PPP6C: variants seen among roughly 807,000 people sequenced by gnomAD.
PPP6C encodes protein phosphatase 6 catalytic subunit.
PPP6C carries 11 observed loss-of-function variants against 39.8 expected under a neutral mutation model. The observed-to-expected ratio is 0.28, with a 90% CI of 0.17 to 0.46. The LOEUF (loss-of-function observed/expected upper bound fraction) is 0.46. PPP6C is among the 20% of genes least tolerant of loss of function. The probability of loss-of-function intolerance (pLI) is 1.00; values close to 1 mark genes in which losing one functional copy is unlikely to be tolerated. For synonymous variants in PPP6C, 129 were observed against 130.3 expected, an observed-to-expected ratio of 0.99 and a Z score of 0.07; for missense variants, 211 against 373.9, an observed-to-expected ratio of 0.56 and a Z score of 3.59.
At position 125,153,665 on chromosome 9, in the gene PPP6C, G is replaced by A. The variant is rs778580383; in HGVS notation, c.537C>T (p.Ile179=). ...DIKTLDQIRT[I]ERNQEIPHKG... ...TATGAGGAATTTCCTGATTCCGTTCGATGGTTCGAATTTGATCCAGTGTTT... is the reference window on the plus strand; with the variant it reads ...TATGAGGAATTTCCTGATTCCGTTCAATGGTTCGAATTTGATCCAGTGTTT... Residue 179 remains isoleucine (I), a synonymous_variant, in exon 6 of 7, where the codon ATC becomes ATT. Transcript: ENST00000373547. 8.1e-6 allele frequency: 13 copies of A among 1,613,982 alleles called. No homozygotes were observed. Among genetic ancestry groups the A allele is most frequent in the Admixed American group, 1.7e-5 (1 of 59,990 alleles).
intron 4 of PPP6C, among the ~76,000 whole-genome samples, chr9:125,157,267 C>A (rs1836103120): frequency 6.6e-6 from 1 of 151,990 alleles, no homozygotes; most frequent in African/African-American, 2.4e-5. Context: ...AGGGGTGAGC[C>A]ACTGCGCCTG....
At chr9:125,152,559 G>A (rs147152123) in intron 6 of PPP6C, among the ~76,000 whole-genome samples, 6 of 152,224 alleles carry the variant, frequency 3.9e-5, no homozygotes, top group Admixed American at 1.3e-4. Context: ...GGCTGGGCGC[G>A]GTGGCTCACG....
At position 125,155,113 on chromosome 9, in the gene PPP6C, C is replaced by T. The variant is rs574988361; in HGVS notation, c.380-1128G>A. On this transcript the variant is annotated intron_variant, in intron 4 of 6. Coordinates refer to ENST00000373547, the MANE Select transcript of PPP6C (RefSeq NM_002721.5). ...AGAGATGGGGATCTCCCTATGTTGT[C>T]CAGGCTGGTCTTGAACTCCTGAGCT... is the stretch of plus-strand genomic sequence containing the variant. Among the ~76,000 whole-genome samples the T allele has an allele frequency of 5.9e-5, 9 of 152,220 alleles. No individual in the cohort carries two copies. The East Asian group carries it at 1.5e-3, about 26-fold the overall frequency.
intron 1 of PPP6C, among the ~76,000 whole-genome samples, chr9:125,182,031 A>G (rs905593641): frequency 6.6e-6 from 1 of 152,058 alleles, no homozygotes; most frequent in Non-Finnish European, 1.5e-5. Flanking sequence ...TGCGGTTTTG[A>G]TTTGCATTTC....
At position 125,147,604 on chromosome 9, in the gene PPP6C, GAAT is replaced by G. The variant is rs1835841189; in HGVS notation, c.*2066_*2068del. On this transcript the variant is annotated 3_prime_UTR_variant, in exon 7 of 7. Coordinates refer to ENST00000373547, the MANE Select transcript of PPP6C (RefSeq NM_002721.5). ...AGAGATGGCAGATAAGGAATGGAGAGAATATTATTGGCACGTGCCCAACTAGTG... is the reference window on the plus strand; with the variant it reads ...AGAGATGGCAGATAAGGAATGGAGAGATTATTGGCACGTGCCCAACTAGTG... The G allele has an allele frequency of 6.6e-6, 1 of 152,172 alleles. No individual in the cohort carries two copies. Among genetic ancestry groups the G allele is most frequent in the Non-Finnish European group, 1.5e-5 (1 of 68,012 alleles). 9.4% of individuals were successfully genotyped at this position (152,172 alleles called of 1,614,324 possible).
At chr9:125,150,858 T>C (rs1335355279) in intron 6 of PPP6C, 4 of 794,110 alleles carry the variant, frequency 5.0e-6, no homozygotes, top group Non-Finnish European at 9.1e-6. Context: ...AATGGTGCCT[T>C]TGATCATGAC....
intron 1 of PPP6C, among the ~76,000 whole-genome samples, chr9:125,178,628 G>A (rs535576968): frequency 6.6e-6 from 1 of 152,128 alleles, no homozygotes; most frequent in African/African-American, 2.4e-5. Flanking sequence ...TTTATTCTGG[G>A]ACTCCAAGTA....
chr9:125,169,573 T>C (rs1045951496), intron 2 of PPP6C, among the ~76,000 whole-genome samples: 2 of 151,514 alleles, frequency 1.3e-5, no homozygotes, highest in Non-Finnish European at 2.9e-5. Flanking sequence ...GTTAGCAAAA[T>C]ACAAATGTTT....
chr9:125,185,783 G>A (rs1163414701), intron 1 of PPP6C, among the ~76,000 whole-genome samples: 1 of 151,830 alleles, frequency 6.6e-6, no homozygotes, highest in Non-Finnish European at 1.5e-5. Flanking sequence ...TGAGGAGTTC[G>A]AGACCAGCCT....
At chr9:125,150,892 C>A in intron 6 of PPP6C, 1 of 865,706 alleles carries the variant, frequency 1.2e-6, no homozygotes, top group Non-Finnish European at 2.0e-6. Flanking sequence ...ACTGCTTCAG[C>A]GAGCCAGCTT....
intron 6 of PPP6C, chr9:125,150,553 A>G (rs1835910563): frequency 1.8e-6 from 1 of 542,564 alleles, no homozygotes; most frequent in South Asian, 1.5e-5. Flanking sequence ...TAGCATCGCA[A>G]AGAGATTAGT....
Position 125,149,761 on chromosome 9 carries a change from A to G in PPP6C, c.830T>C (p.Val277Ala). ...GAATAACTTTGGTTCTCTTGTATTT[A>G]CATCTTTGAAGACCATGATCGAAGC... ...NIASIMVFKD[V>A]NTREPKLFRA... is the part of the protein sequence containing the mutation. Residue 277 changes from valine to alanine, a missense_variant, in exon 7 of 7, where the codon GTA (valine) becomes GCA (alanine). Physicochemically the swap from Val to Ala is moderately conservative, Grantham distance 64. Transcript: ENST00000373547. The G allele has an allele frequency of 6.2e-7, 1 of 1,614,194 alleles. No individual in the cohort carries two copies. Among genetic ancestry groups the G allele is most frequent in the Non-Finnish European group, 8.5e-7 (1 of 1,180,022 alleles).
In PPP6C at chr9:125,149,583, G is replaced by C; in HGVS notation, c.*90C>G. On this transcript the variant is annotated 3_prime_UTR_variant, in exon 7 of 7. Transcript: ENST00000373547. ...AGAGGCAGCATTTCAGCAGCAAAGT[G>C]CTCAATAAAAAGTATATTGTAGAGG... 1 of 1,372,092 alleles carries C rather than the reference G, an allele frequency of 7.3e-7. No homozygotes were observed. The highest frequency in any genetic ancestry group is 2.4e-5 in the East Asian group (1 of 42,348). 85.0% of individuals were successfully genotyped at this position (1,372,092 alleles called of 1,614,324 possible). A position where few individuals can be genotyped will look rare whatever the true frequency, so the allele number is the denominator to read the frequency against.
chr9:125,186,710 A>G (rs557527613), intron 1 of PPP6C, among the ~76,000 whole-genome samples: 15 of 151,916 alleles, frequency 9.9e-5, no homozygotes, highest in Middle Eastern at 6.8e-3. Context: ...TGATTGTGCC[A>G]CCACACTACA....
At chr9:125,169,041 G>C (rs1040589803) in intron 2 of PPP6C, among the ~76,000 whole-genome samples, 4 of 152,212 alleles carry the variant, frequency 2.6e-5, no homozygotes, top group African/African-American at 9.6e-5. Context: ...TTACAGGCGT[G>C]AGCCACTGCA....
chr9:125,158,497 A>G, intron 3 of PPP6C, 115 bp from the exon 4 acceptor site: 4 of 1,027,896 alleles, frequency 3.9e-6, no homozygotes, highest in Non-Finnish European at 5.3e-6. Flanking sequence ...TTACATACTG[A>G]ATTATTTGGA....
At chr9:125,168,511 T>C (rs1829073377) in intron 2 of PPP6C, among the ~76,000 whole-genome samples, 1 of 152,180 alleles carries the variant, frequency 6.6e-6, no homozygotes, top group African/African-American at 2.4e-5. Context: ...CAGGCTGGAG[T>C]GCAATGGCGC....
At chr9:125,151,567 C>T in intron 6 of PPP6C, 1 of 803,724 alleles carries the variant, frequency 1.2e-6, no homozygotes, top group South Asian at 1.3e-5. Context: ...CCGTTTCTTA[C>T]CTATTCAGTC....
chr9:125,189,706 C>T lies in PPP6C; in HGVS notation c.13G>A (p.Asp5Asn), dbSNP rs774196627. 4 of 1,593,840 alleles carry T rather than the reference C, an allele frequency of 2.5e-6. No individual in the cohort carries two copies. In the Admixed American group the frequency reaches 5.4e-5, roughly 22 times the overall value. The change falls in exon 1 of 7, where the codon GAC (aspartate) becomes AAC (asparagine). Residue 5 changes from aspartate to asparagine, a missense_variant. Coordinates refer to ENST00000373547, the MANE Select transcript of PPP6C (RefSeq NM_002721.5). MAPL[D>N]LDKYVEIARL... ...GCTATTTCCACATACTTGTCCAGGT[C>T]TAGCGGCGCCATTTTAAGAATAACA...
Sources: allele counts gnomAD v4.1 joint callset (sites outside exome capture counted in the v4.1 genomes callset), GRCh38; gene constraint gnomAD v4.1.1; transcripts MANE v1.5; gene names NCBI Gene and HGNC (gene_info 2026-07-23, HGNC 2026-07-21).